Variants in FBXO25 observed in about 807,000 individuals in gnomAD.
FBXO25 encodes the protein F-box only protein 25.
In FBXO25, 45 loss-of-function variants were observed where a neutral mutation model predicts 51.9. The ratio of observed to expected loss-of-function variants is 0.87; its 90% CI spans 0.68 to 1.11. FBXO25 has a LOEUF of 1.11. Ranked by LOEUF, FBXO25 falls within the 50% of genes most tolerant of loss-of-function variation. The pLI, the probability that FBXO25 is intolerant of heterozygous loss-of-function variation, is 0.00. For synonymous variants in FBXO25, 199 were observed against 151.0 expected (o/e 1.32, Z -2.33); for missense variants, 507 against 428.5 (o/e 1.18, Z -1.62).
Position 472,181 on chromosome 8 carries a change from T to C in FBXO25, c.*3377T>C, listed in dbSNP as rs1294887671. Reference sequence around the variant, plus strand: ...GAAAGCTTTCAGTCTCACCATTAACTATGATGTTAACCCTGGGTTTTCCAT... The same window carrying C: ...GAAAGCTTTCAGTCTCACCATTAACCATGATGTTAACCCTGGGTTTTCCAT... On this transcript the variant is annotated 3_prime_UTR_variant, in exon 10 of 10. Coordinates refer to ENST00000350302, the MANE Select transcript of FBXO25 (RefSeq NM_183420.2). 6.6e-6 allele frequency: 1 copy of C among 152,246 alleles called. No individual in the cohort carries two copies. Among genetic ancestry groups the C allele is most frequent in the Non-Finnish European group, 1.5e-5 (1 of 68,046 alleles). The allele number at this position is 152,246 out of a possible 1,614,324, so 9.4% of individuals were successfully genotyped here.
At chr8:434,799 A>C (rs1291419695) in intron 4 of FBXO25, among the ~76,000 whole-genome samples, 3 of 152,256 alleles carry the variant, frequency 2.0e-5, no homozygotes, top group Non-Finnish European at 4.4e-5. Context: ...TATACAAACC[A>C]ATATAGGATA....
At chr8:428,791 C>G (rs767327530) in intron 2 of FBXO25, among the ~76,000 whole-genome samples, 2 of 152,202 alleles carry the variant, frequency 1.3e-5, no homozygotes, top group African/African-American at 4.8e-5. Flanking sequence ...TCAAATCAGA[C>G]AGTATGTGTC....
intron 5 of FBXO25, among the ~76,000 whole-genome samples, chr8:442,572 C>T (rs1274582695): frequency 4.6e-5 from 7 of 152,090 alleles, no homozygotes; most frequent in East Asian, 1.9e-4. Flanking sequence ...CGGGTTCAAG[C>T]GATTCTCCTG....
intron 3 of FBXO25, among the ~76,000 whole-genome samples, chr8:432,295 G>A (rs1489555491): frequency 1.3e-5 from 2 of 152,138 alleles, no homozygotes; most frequent in Admixed American, 6.5e-5. Flanking sequence ...GAGCAGGACG[G>A]TGTGAGATTT....
chr8:431,593 A>T (rs1055736557), intron 3 of FBXO25, 149 bp downstream of exon 3: 5 of 512,766 alleles, frequency 9.8e-6, no homozygotes, highest in Admixed American at 4.1e-5. Context: ...TTAGTGATCA[A>T]ACTTTTTGCA....
intron 4 of FBXO25, among the ~76,000 whole-genome samples, chr8:433,818 A>G (rs1797955152): frequency 6.6e-6 from 1 of 152,288 alleles, no homozygotes; most frequent in Admixed American, 6.5e-5. Flanking sequence ...AAACTGAAGG[A>G]TTAGATTCTG....
chr8:473,991 G>C lies in FBXO25; in HGVS notation c.*5187G>C, dbSNP rs1468803260. The C allele has an allele frequency of 2.0e-5, 3 of 152,068 alleles. No homozygotes were observed. The highest frequency in any genetic ancestry group is 2.0e-4 in the Admixed American group (3 of 15,284). 9.4% of individuals were successfully genotyped at this position (152,068 alleles called of 1,614,324 possible). A position where few individuals can be genotyped will look rare whatever the true frequency, so the allele number is the denominator to read the frequency against. On this transcript the variant is annotated 3_prime_UTR_variant, in exon 10 of 10. Coordinates refer to ENST00000350302, the MANE Select transcript of FBXO25 (RefSeq NM_183420.2). ...CCTATTTTAAGTGTGCAATTTAGTG[G>C]CATTAAATACATTCATACTGTGCAA...
chr8:412,257 T>G (rs1584996047), intron 1 of FBXO25, among the ~76,000 whole-genome samples: 1 of 152,160 alleles, frequency 6.6e-6, no homozygotes, highest in African/African-American at 2.4e-5. Flanking sequence ...TCTGTATGTC[T>G]TATCCCAGAT....
rs962709038 is a variant in FBXO25, at chr8:475,998, G to T, written c.*7194G>T. On this transcript the variant is annotated 3_prime_UTR_variant, in exon 10 of 10. Transcript: ENST00000350302. Reference sequence around the variant, plus strand: ...AAGTCCTTTCAGTCTTATTGAATATGATGTTTACAGTGGGATGTTCATATG... The same window carrying T: ...AAGTCCTTTCAGTCTTATTGAATATTATGTTTACAGTGGGATGTTCATATG... The T allele has an allele frequency of 1.3e-5, 2 of 151,974 alleles. No homozygotes were observed. Among genetic ancestry groups the T allele is most frequent in the African/African-American group, 4.8e-5 (2 of 41,298 alleles). 9.4% of individuals were successfully genotyped at this position (151,974 alleles called of 1,614,324 possible).
At chr8:458,996 T>A (rs1799635339) in intron 8 of FBXO25, among the ~76,000 whole-genome samples, 1 of 152,148 alleles carries the variant, frequency 6.6e-6, no homozygotes, top group South Asian at 2.1e-4. Context: ...CCCCCCTGCC[T>A]TGTGTGCTGC....
intron 7 of FBXO25, among the ~76,000 whole-genome samples, chr8:452,773 C>A (rs983748862): frequency 2.0e-5 from 3 of 152,144 alleles, no homozygotes; most frequent in African/African-American, 7.2e-5. Flanking sequence ...GAGATGTGCA[C>A]CGGTGGAGAC....
At position 477,406 on chromosome 8, in the gene FBXO25, G is replaced by C. The variant is rs572943790; in HGVS notation, c.*8602G>C. On this transcript the variant is annotated 3_prime_UTR_variant, in exon 10 of 10. Transcript: ENST00000350302. ...ACTATCCATTTCTTCCTTTGATTCT[G>C]TCAATGTTTGTTTCATATATTTTGG... 6.6e-6 allele frequency: 1 copy of C among 152,296 alleles called. No homozygotes were observed. Among genetic ancestry groups the C allele is most frequent in the African/African-American group, 2.4e-5 (1 of 41,568 alleles). 9.4% of individuals were successfully genotyped at this position (152,296 alleles called of 1,614,324 possible).
In FBXO25 at chr8:450,073, C is replaced by G; in HGVS notation, c.465C>G (p.Ile155Met). 6.2e-7 allele frequency: 1 copy of G among 1,609,882 alleles called. No individual in the cohort carries two copies. The highest frequency in any genetic ancestry group is 8.5e-7 in the Non-Finnish European group (1 of 1,177,454). ...QKNYFNILDK[I>M]VQKVLDDHHN... is the part of the protein sequence containing the mutation. ...ATTACTTCAACATTTTGGATAAAATCGTTCAAAAGGGTAAGATGATCACTG... is the reference window on the plus strand; with the variant it reads ...ATTACTTCAACATTTTGGATAAAATGGTTCAAAAGGGTAAGATGATCACTG... Residue 155 changes from isoleucine to methionine, a missense_variant, in exon 6 of 10, where the codon ATC becomes ATG. By Grantham distance (10) the Ile-to-Met change is conservative. Coordinates refer to ENST00000350302, the MANE Select transcript of FBXO25 (RefSeq NM_183420.2).
At chr8:454,148 C>T (rs1303904964) in intron 7 of FBXO25, among the ~76,000 whole-genome samples, 1 of 152,174 alleles carries the variant, frequency 6.6e-6, no homozygotes, top group Non-Finnish European at 1.5e-5. Context: ...CTCGACACCC[C>T]TTAAATCTAA....
intron 1 of FBXO25, chr8:407,333 G>C (rs1247109929): frequency 2.6e-5 from 25 of 973,826 alleles, no homozygotes; most frequent in Non-Finnish European, 3.0e-5. Context: ...GTCAGGTGGG[G>C]ACGGGATTGC....
At chr8:460,271 T>C (rs1415098188) in intron 8 of FBXO25, among the ~76,000 whole-genome samples, 4 of 152,180 alleles carry the variant, frequency 2.6e-5, no homozygotes, top group African/African-American at 9.7e-5. Flanking sequence ...TTGCCATTCT[T>C]AAAAGAGTTG....
At chr8:412,262 C>G (rs1305079025) in intron 1 of FBXO25, among the ~76,000 whole-genome samples, 1 of 152,072 alleles carries the variant, frequency 6.6e-6, no homozygotes, top group Non-Finnish European at 1.5e-5. Flanking sequence ...ATGTCTTATC[C>G]CAGATCCAGG....
chr8:468,685 C>G lies in FBXO25; in HGVS notation c.988-30C>G, dbSNP rs200690341. On this transcript the variant is annotated intron_variant, in intron 9 of 9. Coordinates refer to ENST00000350302, the MANE Select transcript of FBXO25 (RefSeq NM_183420.2). ...CTAGAGTGTGGCTGGTGGTGGGGCCCCCTCCTAACCATCTCCCACCTCCCC... is the reference window on the plus strand; with the variant it reads ...CTAGAGTGTGGCTGGTGGTGGGGCCGCCTCCTAACCATCTCCCACCTCCCC... 1.4e-5 allele frequency: 23 copies of G among 1,599,228 alleles called. No homozygotes were observed. The African/African-American group carries it at 2.7e-4, about 19-fold the overall frequency.
intron 8 of FBXO25, among the ~76,000 whole-genome samples, chr8:460,851 C>G (rs1267308623): frequency 1.3e-5 from 2 of 152,158 alleles, no homozygotes; most frequent in South Asian, 2.1e-4. Context: ...GTCTTCTTTT[C>G]AAATTTTATT....
Sources: allele counts gnomAD v4.1 joint callset (sites outside exome capture counted in the v4.1 genomes callset), GRCh38; gene constraint gnomAD v4.1.1; transcripts MANE v1.5; gene names NCBI Gene and HGNC (gene_info 2026-07-23, HGNC 2026-07-21).